MACROD2: variants seen among roughly 807,000 people sequenced by gnomAD.
The protein encoded by MACROD2 is ADP-ribose glycohydrolase MACROD2.
In MACROD2, 36 loss-of-function variants were observed where a neutral mutation model predicts 70.4. That is an observed-to-expected ratio of 0.51 (90% CI 0.39 to 0.68). MACROD2 has a LOEUF of 0.68. Ranked by LOEUF, MACROD2 falls within the 30% of genes least tolerant of loss-of-function variation. The pLI, the probability that MACROD2 is intolerant of heterozygous loss-of-function variation, is 0.00. For missense variants in MACROD2, 496 were observed against 538.4 expected (o/e 0.92, Z 0.78); for synonymous variants, 172 against 178.8 (o/e 0.96, Z 0.30).
intron 3 of MACROD2, among the ~76,000 whole-genome samples, chr20:14,340,040 A>T (rs1289167130): frequency 1.3e-5 from 2 of 152,246 alleles, no homozygotes; most frequent in Non-Finnish European, 2.9e-5. Context: ...ACATGAGGTT[A>T]TCATGAGTTA....
chr20:14,069,517 A>G (rs1189936453), intron 2 of MACROD2, among the ~76,000 whole-genome samples: 3 of 151,834 alleles, frequency 2.0e-5, no homozygotes, highest in Non-Finnish European at 4.4e-5. Flanking sequence ...GCATTTGGAT[A>G]TTAGATTTCT....
chr20:14,745,313 C>G (rs1251263486), intron 5 of MACROD2, among the ~76,000 whole-genome samples: 1 of 152,158 alleles, frequency 6.6e-6, no homozygotes. Flanking sequence ...GAATGTACTT[C>G]TTGCTAAATG....
At chr20:15,034,110 A>T (rs550593485) in intron 5 of MACROD2, among the ~76,000 whole-genome samples, 37 of 152,316 alleles carry the variant, frequency 2.4e-4, no homozygotes, top group Non-Finnish European at 4.9e-4. Context: ...GCTGCTTTTC[A>T]CCCAACAGTG....
chr20:15,008,179 T>C (rs1415068996), intron 5 of MACROD2, among the ~76,000 whole-genome samples: 2 of 152,154 alleles, frequency 1.3e-5, no homozygotes, highest in African/African-American at 4.8e-5. Context: ...TTATTTAAAA[T>C]CTTATAGAAT....
chr20:14,253,295 T>A (rs936632610), intron 3 of MACROD2, among the ~76,000 whole-genome samples: 1 of 152,000 alleles, frequency 6.6e-6, no homozygotes, highest in Non-Finnish European at 1.5e-5. Flanking sequence ...AGTCTTATGG[T>A]TTTCAAAAGA....
intron 10 of MACROD2, among the ~76,000 whole-genome samples, chr20:15,906,197 C>G (rs1277390944): frequency 6.6e-6 from 1 of 152,206 alleles, no homozygotes; most frequent in Non-Finnish European, 1.5e-5. Context: ...CTTGGGAGAA[C>G]CTCTCATTCA....
chr20:14,184,576 G>A (rs758356075), intron 3 of MACROD2, among the ~76,000 whole-genome samples: 1 of 151,718 alleles, frequency 6.6e-6, no homozygotes, highest in Non-Finnish European at 1.5e-5. Context: ...GAATGTCCAT[G>A]GTAGTTTAAT....
At chr20:15,562,749 A>G (rs546741222) in intron 8 of MACROD2, among the ~76,000 whole-genome samples, 5 of 152,340 alleles carry the variant, frequency 3.3e-5, no homozygotes, top group South Asian at 2.1e-4. Context: ...CATTTTCTCT[A>G]TGTGTTATCT....
At chr20:15,677,229 T>A (rs1308811175) in intron 8 of MACROD2, among the ~76,000 whole-genome samples, 1 of 152,220 alleles carries the variant, frequency 6.6e-6, no homozygotes, top group African/African-American at 2.4e-5. Context: ...AAATGTTTAA[T>A]TTTTATCCTA....
chr20:15,359,737 T>G (rs967278646), intron 6 of MACROD2, among the ~76,000 whole-genome samples: 1 of 152,140 alleles, frequency 6.6e-6, no homozygotes, highest in Non-Finnish European at 1.5e-5. Flanking sequence ...TTTTTAACTT[T>G]CTATTTTGAA....
chr20:15,131,625 A>G (rs1158907923), intron 5 of MACROD2, among the ~76,000 whole-genome samples: 1 of 152,126 alleles, frequency 6.6e-6, no homozygotes, highest in Non-Finnish European at 1.5e-5. Flanking sequence ...ATTATTATTA[A>G]AAATGTTGAG....
intron 3 of MACROD2, among the ~76,000 whole-genome samples, chr20:14,283,393 A>G (rs1232808560): frequency 1.3e-5 from 2 of 152,064 alleles, no homozygotes; most frequent in Admixed American, 6.5e-5. Context: ...TTTTTTCAAT[A>G]TGGTATAAAA....
intron 8 of MACROD2, among the ~76,000 whole-genome samples, chr20:15,551,644 C>G (rs901463015): frequency 6.6e-6 from 1 of 151,888 alleles, no homozygotes; most frequent in Admixed American, 6.6e-5. Context: ...TTTGGGAGGC[C>G]AAGGCGGGTG....
At chr20:15,945,313 G>A (rs990950873) in intron 12 of MACROD2, among the ~76,000 whole-genome samples, 5 of 152,098 alleles carry the variant, frequency 3.3e-5, no homozygotes, top group African/African-American at 1.2e-4. Context: ...AGCCAAACTT[G>A]GTGGAAGTCT....
intron 4 of MACROD2, 113 bp from the exon 5 acceptor site, chr20:14,684,730 G>T (rs922702238): frequency 4.9e-6 from 4 of 820,322 alleles, no homozygotes; most frequent in South Asian, 1.6e-5. Flanking sequence ...TTCTTCCACG[G>T]GCTATGGTTA....
intron 5 of MACROD2, among the ~76,000 whole-genome samples, chr20:14,832,191 C>T (rs1302516354): frequency 1.3e-5 from 2 of 151,470 alleles, no homozygotes; most frequent in African/African-American, 4.9e-5. Context: ...TGCAGGTGCC[C>T]GCCACCATGG....
rs559391206 is a variant in MACROD2, at chr20:15,150,574, G to C, written c.419-79366G>C. Among the ~76,000 whole-genome samples, 170 of 152,070 alleles carry C rather than the reference G, an allele frequency of 1.1e-3. 3 individuals carry two copies. The highest frequency in any genetic ancestry group is 3.5e-3 in the African/African-American group (146 of 41,416). On this transcript the variant is annotated intron_variant, in intron 5 of 17. Coordinates refer to ENST00000684519, the MANE Select transcript of MACROD2 (RefSeq NM_001351661.2). ...AAAGCATGCTGTGGGATGGGGTATT[G>C]GCATTGAGCGAGGTAAGGGTGATTA...
At chr20:14,030,168 A>G (rs766573520) in intron 2 of MACROD2, among the ~76,000 whole-genome samples, 38 of 152,150 alleles carry the variant, frequency 2.5e-4, no homozygotes, top group Non-Finnish European at 5.4e-4. Context: ...CCTCTGGAGT[A>G]GCTAGGACTA....
intron 8 of MACROD2, among the ~76,000 whole-genome samples, chr20:15,690,468 C>A (rs917040616): frequency 7.9e-5 from 12 of 152,042 alleles, no homozygotes; most frequent in African/African-American, 2.4e-4. Flanking sequence ...GAGTAGAGAC[C>A]AAGTTGGCAT....
Sources: gnomAD v4.1 joint callset for allele counts (sites outside exome capture counted in the v4.1 genomes callset) on GRCh38, gnomAD v4.1.1 for gene constraint, MANE v1.5 for transcripts, NCBI Gene and HGNC (gene_info 2026-07-23, HGNC 2026-07-21) for gene names.